Variants in NTM observed in about 807,000 individuals in gnomAD.
The protein encoded by NTM is IgLON family member 2.
In NTM, 13 loss-of-function variants were observed where a neutral mutation model predicts 42.1. The ratio of observed to expected loss-of-function variants is 0.31; its 90% CI spans 0.20 to 0.49. The LOEUF is 0.49. NTM is among the 20% of genes least tolerant of loss of function. The probability of loss-of-function intolerance (pLI) is 0.99; values close to 1 mark genes in which losing one functional copy is unlikely to be tolerated. For missense variants in NTM, 373 were observed against 452.8 expected, an observed-to-expected ratio of 0.82 and a Z score of 1.60; for synonymous variants, 187 against 179.2, an observed-to-expected ratio of 1.04 and a Z score of -0.35.
chr11:131,870,331 A>G (rs1435893003), intron 1 of NTM, among the ~76,000 whole-genome samples: 1 of 152,240 alleles, frequency 6.6e-6, no homozygotes, highest in South Asian at 2.1e-4. Context: ...GGATAATAAT[A>G]CTATTGCAAA....
intron 1 of NTM, chr11:131,671,389 C>T: frequency 1.0e-6 from 1 of 979,730 alleles, no homozygotes; most frequent in Admixed American, 6.1e-5. Context: ...TGTCTCCATC[C>T]TTCTACATTA....
intron 4 of NTM, among the ~76,000 whole-genome samples, chr11:132,290,608 C>T (rs2094424636): frequency 6.6e-6 from 1 of 152,098 alleles, no homozygotes; most frequent in African/African-American, 2.4e-5. Flanking sequence ...TTTATTCATT[C>T]AACAACTATA....
chr11:131,711,076 A>T (rs979433718), intron 1 of NTM, among the ~76,000 whole-genome samples: 10 of 152,188 alleles, frequency 6.6e-5, no homozygotes, highest in African/African-American at 2.2e-4. Flanking sequence ...ATGGGCAAGG[A>T]CTTCATGTCT....
chr11:131,946,955 A>G (rs12224080), intron 2 of NTM, among the ~76,000 whole-genome samples: 15,871 of 152,218 alleles, frequency 0.1, 1,233 homozygotes, highest in East Asian at 0.45. Context: ...CAGAGTTACT[A>G]GGACTAATGG....
At chr11:132,057,304 C>T (rs2079855770) in intron 2 of NTM, among the ~76,000 whole-genome samples, 1 of 151,746 alleles carries the variant, frequency 6.6e-6, no homozygotes, top group Non-Finnish European at 1.5e-5. Flanking sequence ...TCTAGAAATG[C>T]AGATATAAAT....
chr11:131,990,687 C>T (rs745500249), intron 2 of NTM, among the ~76,000 whole-genome samples: 3 of 152,092 alleles, frequency 2.0e-5, no homozygotes, highest in Non-Finnish European at 2.9e-5. Flanking sequence ...ACATAATTCA[C>T]CTTCCTGCAT....
chr11:132,231,761 C>T (rs752544672), intron 4 of NTM, among the ~76,000 whole-genome samples: 32 of 152,316 alleles, frequency 2.1e-4, no homozygotes, highest in African/African-American at 6.3e-4. Flanking sequence ...TGCCCAGTGA[C>T]GAGCCTCCTT....
chr11:131,773,909 C>A (rs927814612), intron 1 of NTM: 1 of 567,956 alleles, frequency 1.8e-6, no homozygotes, highest in Non-Finnish European at 2.2e-6. Flanking sequence ...ATTCTGTCAG[C>A]TACGACTGCT....
intron 3 of NTM, among the ~76,000 whole-genome samples, chr11:132,149,692 A>G (rs12799346): frequency 0.24 from 37,019 of 151,966 alleles, 5,832 homozygotes; most frequent in Non-Finnish European, 0.35. Flanking sequence ...CGTGAGGCCA[A>G]GGCGACCACA....
chr11:132,247,407 C>T (rs995179789), intron 4 of NTM, among the ~76,000 whole-genome samples: 1 of 152,184 alleles, frequency 6.6e-6, no homozygotes. Context: ...TCATAACTTC[C>T]TCAGAGGCAG....
At chr11:132,246,527 C>G (rs1339381453) in intron 4 of NTM, among the ~76,000 whole-genome samples, 3 of 152,228 alleles carry the variant, frequency 2.0e-5, no homozygotes, top group African/African-American at 7.2e-5. Flanking sequence ...GTGCACTCTC[C>G]CCCTCCTCCA....
intron 2 of NTM, among the ~76,000 whole-genome samples, chr11:132,009,755 G>C (rs538451091): frequency 1.3e-5 from 2 of 152,304 alleles, no homozygotes; most frequent in African/African-American, 2.4e-5. Flanking sequence ...GTCATGAGAC[G>C]TGATGGGTTA....
intron 1 of NTM, among the ~76,000 whole-genome samples, chr11:131,567,851 T>A (rs2057048963): frequency 6.6e-6 from 1 of 152,214 alleles, no homozygotes; most frequent in Admixed American, 6.5e-5. Flanking sequence ...AGATGGAACA[T>A]CACCTGGGTT....
chr11:131,447,546 T>A (rs1203242181), intron 1 of NTM, among the ~76,000 whole-genome samples: 2 of 152,162 alleles, frequency 1.3e-5, no homozygotes, highest in African/African-American at 4.8e-5. Context: ...CACCGGCAGC[T>A]CTCGGGAGAG....
chr11:132,069,406 CAA>C (rs2057069779), intron 2 of NTM, among the ~76,000 whole-genome samples: 1 of 99,770 alleles, frequency 1.0e-5, no homozygotes, highest in South Asian at 2.7e-4. Flanking sequence ...GTTAACACGT[CAA>C]ACTGACTGTC....
Position 131,816,544 on chromosome 11 carries a change from CAAGAA to C in NTM, c.83-95017_83-95013del, listed in dbSNP as rs1243985203. Among the ~76,000 whole-genome samples the C allele has an allele frequency of 7.7e-4, 58 of 75,286 alleles. 1 individual carries two copies. Among genetic ancestry groups the C allele is most frequent in the African/African-American group, 2.0e-3 (53 of 26,756 alleles). The allele number at this position is 75,286 out of a possible 152,430, so 49.4% of individuals were successfully genotyped here. Reference sequence around the variant, plus strand: ...GAAACAAGTTCATTGAATATTAAAGCAAGAAAAAAAAAAAAAGGAATTTAAAGATT... The same window carrying C: ...GAAACAAGTTCATTGAATATTAAAGCAAAAAAAAAAAGGAATTTAAAGATT... On this transcript the variant is annotated intron_variant, in intron 1 of 8. Coordinates refer to ENST00000683400, the MANE Select transcript of NTM (RefSeq NM_001352005.2).
At chr11:131,757,125 C>G (rs531153179) in intron 1 of NTM, among the ~76,000 whole-genome samples, 7 of 152,168 alleles carry the variant, frequency 4.6e-5, no homozygotes, top group Non-Finnish European at 7.3e-5. Flanking sequence ...GCGTCATCTC[C>G]GAAACAGCTA....
chr11:132,023,238 G>C (rs1009968219), intron 2 of NTM, among the ~76,000 whole-genome samples: 1 of 152,216 alleles, frequency 6.6e-6, no homozygotes, highest in African/African-American at 2.4e-5. Context: ...ACATGCCATC[G>C]TGGAGCCTGG....
chr11:131,579,235 C>A (rs57826869), intron 1 of NTM, among the ~76,000 whole-genome samples: 2,089 of 152,240 alleles, frequency 0.014, 52 homozygotes, highest in African/African-American at 0.047. Flanking sequence ...ATTGGAGAAG[C>A]AGAGCTTAGT....
Sources: allele counts gnomAD v4.1 joint callset (sites outside exome capture counted in the v4.1 genomes callset), GRCh38; gene constraint gnomAD v4.1.1; transcripts MANE v1.5; gene names NCBI Gene and HGNC (gene_info 2026-07-23, HGNC 2026-07-21).